WDR72: variants seen among roughly 807,000 people sequenced by gnomAD.
The protein encoded by WDR72 is WD repeat domain 72.
In WDR72, 120 loss-of-function variants were observed where a neutral mutation model predicts 124.2. The observed-to-expected ratio is 0.97, with a 90% CI of 0.83 to 1.12. The LOEUF (loss-of-function observed/expected upper bound fraction) is 1.12. WDR72 is among the 50% of genes most tolerant of loss of function. WDR72 has a pLI of 0.00. For missense variants in WDR72, 1,387 were observed against 1,278.8 expected, an observed-to-expected ratio of 1.08 and a Z score of -1.29; for synonymous variants, 452 against 441.7, an observed-to-expected ratio of 1.02 and a Z score of -0.29.
intron 18 of WDR72, among the ~76,000 whole-genome samples, chr15:53,543,191 ATT>A (rs1253844689): frequency 2.8e-5 from 4 of 145,158 alleles, no homozygotes; most frequent in African/African-American, 1.0e-4. Context: ...CAGAATATAC[ATT>A]TTTTTCAGCA....
Position 53,643,837 on chromosome 15 carries a change from AT to A in WDR72, c.1962+21734del, listed in dbSNP as rs1370350358. ...CTAGAGTACCCTGTCACAAAAAAAAATGAAAGAAAATACATTTTCATAGAAT... is the reference window on the plus strand; with the variant it reads ...CTAGAGTACCCTGTCACAAAAAAAAAGAAAGAAAATACATTTTCATAGAAT... On this transcript the variant is annotated intron_variant, in intron 14 of 19. Transcript: ENST00000360509. Among the ~76,000 whole-genome samples the A allele has an allele frequency of 2.0e-5, 3 of 152,132 alleles. No homozygotes were observed. The East Asian group carries it at 5.8e-4, about 29-fold the overall frequency.
chr15:53,712,967 T>A, intron 6 of WDR72, 76 bp from the exon 7 acceptor site: 1 of 1,532,330 alleles, frequency 6.5e-7, no homozygotes, highest in Non-Finnish European at 9.0e-7. Context: ...CTGCTTCCCG[T>A]ACATCTCAAG....
chr15:53,645,568 G>A (rs1055554674), intron 14 of WDR72, among the ~76,000 whole-genome samples: 2 of 152,064 alleles, frequency 1.3e-5, no homozygotes, highest in African/African-American at 4.8e-5. Context: ...TGAACCTTTT[G>A]CATGTTGGTT....
intron 18 of WDR72, among the ~76,000 whole-genome samples, chr15:53,596,775 G>A (rs911451535): frequency 3.9e-5 from 6 of 152,074 alleles, no homozygotes; most frequent in African/African-American, 1.4e-4. Context: ...TCAGAAACAG[G>A]GCACTTGGCT....
chr15:53,601,668 A>G (rs996121610), intron 17 of WDR72, among the ~76,000 whole-genome samples: 4 of 152,198 alleles, frequency 2.6e-5, no homozygotes, highest in African/African-American at 9.6e-5. Flanking sequence ...AGTGGAAAAA[A>G]GGAAAAAGCA....
rs1891456594 is a variant in WDR72 at position 53,516,274 on chromosome 15, T to G, written c.*1425A>C. On this transcript the variant is annotated 3_prime_UTR_variant, in exon 20 of 20. Transcript: ENST00000360509. ...ATCTACTTTAAGGGAGTCACACTCA[T>G]TTGACATCTTTATCCTGGTATGTTT... 6.6e-6 allele frequency: 1 copy of G among 152,140 alleles called. No individual in the cohort carries two copies. The highest frequency in any genetic ancestry group is 2.4e-5 in the African/African-American group (1 of 41,450). 9.4% of individuals were successfully genotyped at this position (152,140 alleles called of 1,614,324 possible).
intron 1 of WDR72, among the ~76,000 whole-genome samples, chr15:53,750,617 C>A (rs770759298): frequency 7.9e-5 from 12 of 152,134 alleles, no homozygotes; most frequent in Non-Finnish European, 2.9e-5. Flanking sequence ...CTCTGATATA[C>A]CTGGACAAAG....
chr15:53,597,285 T>C lies in WDR72; in HGVS notation c.2953-11A>G. On this transcript the variant is annotated splice_polypyrimidine_tract_variant and intron_variant, in intron 17 of 19. Coordinates refer to ENST00000360509, the MANE Select transcript of WDR72 (RefSeq NM_182758.4). Reference sequence around the variant, plus strand: ...TATTGCTTCAGTTACCTGTAAGGTATTTTTTTAAGTGAATTATTTTTAGTA... The same window carrying C: ...TATTGCTTCAGTTACCTGTAAGGTACTTTTTTAAGTGAATTATTTTTAGTA... The C allele has an allele frequency of 3.7e-6, 6 of 1,611,358 alleles. No homozygotes were observed. The highest frequency in any genetic ancestry group is 5.1e-6 in the Non-Finnish European group (6 of 1,178,196).
intron 14 of WDR72, among the ~76,000 whole-genome samples, chr15:53,635,359 T>G (rs1003893598): frequency 1.3e-5 from 2 of 152,188 alleles, no homozygotes; most frequent in African/African-American, 4.8e-5. Flanking sequence ...CAAATTGAGG[T>G]AGATCCCTTC....
At chr15:53,677,275 G>T (rs1448906387) in intron 13 of WDR72, among the ~76,000 whole-genome samples, 2 of 152,142 alleles carry the variant, frequency 1.3e-5, no homozygotes, top group African/African-American at 2.4e-5. Context: ...ATAAAAATAA[G>T]TAAGTGTGAT....
At chr15:53,581,247 C>G (rs1298869933) in intron 18 of WDR72, among the ~76,000 whole-genome samples, 2 of 152,020 alleles carry the variant, frequency 1.3e-5, no homozygotes, top group African/African-American at 4.8e-5. Context: ...CTGCTTTCTT[C>G]TCAATCAAAA....
In WDR72 at chr15:53,665,623, G is replaced by A. The variant is rs1447093693; in HGVS notation, c.1911C>T (p.Tyr637=). 6.2e-7 allele frequency: 1 copy of A among 1,613,912 alleles called. No individual in the cohort carries two copies. The highest frequency in any genetic ancestry group is 8.5e-7 in the Non-Finnish European group (1 of 1,179,864). Residue 637 remains tyrosine, a synonymous_variant, in exon 14 of 20, where the codon TAC becomes TAT. Coordinates refer to ENST00000360509, the MANE Select transcript of WDR72 (RefSeq NM_182758.4). ...CAGGGCAAGGTAATGGCCCAAGCTG[G>A]TAGGGGCTGGAGGATCTCTGTTCTA... The part of the protein sequence containing the change: ...KSIEQRSSSP[Y]QLGPLPCPGL...
intron 13 of WDR72, among the ~76,000 whole-genome samples, chr15:53,677,838 T>C (rs749433263): frequency 6.6e-6 from 1 of 152,214 alleles, no homozygotes; most frequent in Non-Finnish European, 1.5e-5. Context: ...ATCATCATCA[T>C]CAAAATTGCC....
At chr15:53,751,769 T>C (rs140304535) in intron 1 of WDR72, among the ~76,000 whole-genome samples, 95 of 152,308 alleles carry the variant, frequency 6.2e-4, no homozygotes, top group African/African-American at 2.2e-3. Context: ...GGAGACAGCA[T>C]GTACCGGTGG....
chr15:53,724,887 C>T (rs2017977762), intron 2 of WDR72, among the ~76,000 whole-genome samples: 1 of 152,032 alleles, frequency 6.6e-6, no homozygotes, highest in South Asian at 2.1e-4. Context: ...AATATCAGAC[C>T]AGTTACCATG....
intron 11 of WDR72, 32 bp from the exon 12 acceptor site, chr15:53,702,386 A>C: frequency 6.5e-7 from 1 of 1,526,906 alleles, no homozygotes; most frequent in Non-Finnish European, 9.1e-7. Flanking sequence ...AATAATACAG[A>C]TGTTATTTTT....
intron 1 of WDR72, among the ~76,000 whole-genome samples, chr15:53,757,741 G>A (rs1424980326): frequency 2.0e-5 from 3 of 152,060 alleles, no homozygotes; most frequent in Non-Finnish European, 4.4e-5. Flanking sequence ...CAGAAATTTC[G>A]AGTATATGAA....
chr15:53,576,163 G>C (rs892245430), intron 18 of WDR72, among the ~76,000 whole-genome samples: 1 of 152,096 alleles, frequency 6.6e-6, no homozygotes, highest in Non-Finnish European at 1.5e-5. Context: ...ATGACATTGC[G>C]TTATAGTTAA....
At chr15:53,761,338 G>T (rs2019060280), upstream of WDR72, among the ~76,000 whole-genome samples, 1 of 152,112 alleles carries the variant, frequency 6.6e-6, no homozygotes, top group African/African-American at 2.4e-5. Flanking sequence ...CAAGGATGTG[G>T]AGAGAAGGGA....
Sources: gnomAD v4.1 joint callset for allele counts (sites outside exome capture counted in the v4.1 genomes callset) on GRCh38, gnomAD v4.1.1 for gene constraint, MANE v1.5 for transcripts, NCBI Gene and HGNC (gene_info 2026-07-23, HGNC 2026-07-21) for gene names.